Variants in TSHR observed in about 807,000 individuals in gnomAD.
TSHR encodes thyrotropin receptor.
TSHR carries 51 observed loss-of-function variants against 64.1 expected under a neutral mutation model. That is an observed-to-expected ratio of 0.80 (90% CI 0.64 to 1.01). The LOEUF (loss-of-function observed/expected upper bound fraction) is 1.01. Ranked by LOEUF, TSHR falls within the 50% of genes least tolerant of loss-of-function variation. The probability of loss-of-function intolerance (pLI) is 0.00; values close to 1 mark genes in which losing one functional copy is unlikely to be tolerated. For missense variants in TSHR, 877 were observed against 942.8 expected, an observed-to-expected ratio of 0.93 and a Z score of 0.91; for synonymous variants, 361 against 361.9, an observed-to-expected ratio of 1.00 and a Z score of 0.03.
chr14:81,126,554 A>G (rs1451561560), intron 8 of TSHR, among the ~76,000 whole-genome samples: 1 of 152,212 alleles, frequency 6.6e-6, no homozygotes, highest in African/African-American at 2.4e-5. Context: ...AAAGTTACTT[A>G]TTTAAGTAAG....
intron 7 of TSHR, among the ~76,000 whole-genome samples, chr14:81,108,065 A>T (rs575315748): frequency 1.3e-5 from 2 of 152,190 alleles, no homozygotes; most frequent in Non-Finnish European, 2.9e-5. Context: ...AAAGAGAATT[A>T]AAAAATACAG....
chr14:80,968,160 G>A (rs951864806), intron 1 of TSHR, among the ~76,000 whole-genome samples: 1 of 152,090 alleles, frequency 6.6e-6, no homozygotes. Context: ...CAGTACTGTC[G>A]AGTTGTACCT....
intron 3 of TSHR, among the ~76,000 whole-genome samples, chr14:81,071,867 C>T (rs1488315528): frequency 1.3e-5 from 2 of 152,134 alleles, no homozygotes; most frequent in African/African-American, 4.8e-5. Context: ...TTGAATTTCC[C>T]TTTCAGTAAT....
intron 3 of TSHR, among the ~76,000 whole-genome samples, chr14:81,069,833 A>T (rs1717213013): frequency 1.3e-5 from 2 of 152,210 alleles, no homozygotes. Flanking sequence ...GACAATAGAA[A>T]ATGATCCATA....
At chr14:81,043,723 G>A (rs1230844510) in intron 1 of TSHR, among the ~76,000 whole-genome samples, 1 of 152,064 alleles carries the variant, frequency 6.6e-6, no homozygotes, top group Non-Finnish European at 1.5e-5. Context: ...CATGGTACTG[G>A]GACAAGAACA....
chr14:81,023,989 C>CT (rs1444103146), intron 1 of TSHR, among the ~76,000 whole-genome samples: 1 of 152,122 alleles, frequency 6.6e-6, no homozygotes, highest in African/African-American at 2.4e-5. Context: ...AAATTAAAAT[C>CT]TATTTAGGCA....
In TSHR at chr14:81,045,575, A is replaced by G. The variant is rs115379058; in HGVS notation, c.171-16573A>G. ...TGGCCCCCAACAGGCTCCAGTGTACATCGTTCCCCCTCACGTGTCCATGTG... is the reference window on the plus strand; with the variant it reads ...TGGCCCCCAACAGGCTCCAGTGTACGTCGTTCCCCCTCACGTGTCCATGTG... On this transcript the variant is annotated intron_variant, in intron 1 of 9. Coordinates refer to ENST00000298171, the MANE Select transcript of TSHR (RefSeq NM_000369.5). Among the ~76,000 whole-genome samples the G allele has an allele frequency of 5.5e-3, 842 of 152,050 alleles. 2 individuals carry two copies. The highest frequency in any genetic ancestry group is 0.019 in the African/African-American group (772 of 41,460).
chr14:81,144,563 C>T lies in TSHR; in HGVS notation c.*210C>T, dbSNP rs1317860967. On this transcript the variant is annotated 3_prime_UTR_variant, in exon 10 of 10. Transcript: ENST00000298171. ...CCCAAGAAGGAAGTTAGGCTACCAG[C>T]ATATTTGAATGCCAGGTGAAATCAA... 4.9e-6 allele frequency: 3 copies of T among 606,800 alleles called. No homozygotes were observed. Among genetic ancestry groups the T allele is most frequent in the Non-Finnish European group, 8.7e-6 (3 of 346,524 alleles). 37.6% of individuals were successfully genotyped at this position (606,800 alleles called of 1,614,324 possible).
intron 1 of TSHR, among the ~76,000 whole-genome samples, chr14:81,058,637 A>G (rs1447656465): frequency 6.6e-6 from 1 of 152,180 alleles, no homozygotes; most frequent in Non-Finnish European, 1.5e-5. Flanking sequence ...TACCTAGCAT[A>G]TTTTCATTAG....
intron 3 of TSHR, among the ~76,000 whole-genome samples, chr14:81,084,955 C>T (rs1442555831): frequency 6.6e-6 from 1 of 152,168 alleles, no homozygotes; most frequent in African/African-American, 2.4e-5. Flanking sequence ...TGTTACCTCT[C>T]TATTTAATGA....
chr14:81,064,780 G>A (rs555381680), intron 2 of TSHR, among the ~76,000 whole-genome samples: 9 of 152,114 alleles, frequency 5.9e-5, no homozygotes, highest in Non-Finnish European at 1.0e-4. Flanking sequence ...ACAAACAACT[G>A]GGTGTAACTG....
intron 8 of TSHR, among the ~76,000 whole-genome samples, chr14:81,111,019 T>A (rs574414090): frequency 4.6e-5 from 7 of 152,250 alleles, no homozygotes; most frequent in Non-Finnish European, 7.3e-5. Flanking sequence ...TGTTATGGTA[T>A]ATATTATATA....
chr14:81,005,563 T>C (rs1889559881), intron 1 of TSHR, among the ~76,000 whole-genome samples: 1 of 152,106 alleles, frequency 6.6e-6, no homozygotes, highest in Non-Finnish European at 1.5e-5. Flanking sequence ...TGATCCACAA[T>C]CAATATTGTT....
intron 3 of TSHR, among the ~76,000 whole-genome samples, chr14:81,079,124 A>G (rs1887710206): frequency 6.6e-6 from 1 of 152,204 alleles, no homozygotes; most frequent in African/African-American, 2.4e-5. Flanking sequence ...GTGGATACAA[A>G]TCATTTCCCC....
Position 81,116,677 on chromosome 14 carries a change from G to C in TSHR, c.692+8225G>C, listed in dbSNP as rs999105365. 2.3e-4 allele frequency among the ~76,000 whole-genome samples: 33 copies of C among 145,880 alleles called. 2 individuals are homozygous for C. Among genetic ancestry groups the C allele is most frequent in the African/African-American group, 7.7e-4 (29 of 37,798 alleles). On this transcript the variant is annotated intron_variant, in intron 8 of 9. Coordinates refer to ENST00000298171, the MANE Select transcript of TSHR (RefSeq NM_000369.5). ...AATTGAACTCAGCTCTGCACCAAGC[G>C]GACCTAATAGACATCTACAGAACTC...
rs546148863 is a variant in TSHR, at chr14:81,144,715, A to G, written c.*362A>G. 2.9e-5 allele frequency: 8 copies of G among 276,578 alleles called. No homozygotes were observed. The South Asian group carries it at 8.3e-4, about 29-fold the overall frequency. 17.1% of individuals were successfully genotyped at this position (276,578 alleles called of 1,614,324 possible). A position where few individuals can be genotyped will look rare whatever the true frequency, so the allele number is the denominator to read the frequency against. On this transcript the variant is annotated 3_prime_UTR_variant, in exon 10 of 10. Transcript: ENST00000298171. ...TTCTCAGTTTTGTATAACATTTCAT[A>G]CTAAAGATTCAGCAAATGGAAAATG...
intron 1 of TSHR, among the ~76,000 whole-genome samples, chr14:81,014,928 G>A (rs1035036187): frequency 2.0e-5 from 3 of 152,112 alleles, no homozygotes; most frequent in Non-Finnish European, 4.4e-5. Flanking sequence ...TGGATTGAAT[G>A]TTCCTTAAAA....
intron 1 of TSHR, among the ~76,000 whole-genome samples, chr14:81,045,603 C>T (rs1042144622): frequency 2.0e-5 from 3 of 152,102 alleles, no homozygotes; most frequent in South Asian, 2.1e-4. Flanking sequence ...TCCATGTGTT[C>T]TCATCATTCA....
chr14:81,097,852 G>GT (rs531382551), intron 7 of TSHR, among the ~76,000 whole-genome samples: 2 of 152,178 alleles, frequency 1.3e-5, no homozygotes, highest in South Asian at 4.1e-4. Context: ...GAAATGAAGA[G>GT]TTACAGTACC....
Sources: gnomAD v4.1 joint callset for allele counts (sites outside exome capture counted in the v4.1 genomes callset) on GRCh38, gnomAD v4.1.1 for gene constraint, MANE v1.5 for transcripts, NCBI Gene and HGNC (gene_info 2026-07-23, HGNC 2026-07-21) for gene names.